Variants in YEATS4 observed in about 807,000 individuals in gnomAD.
YEATS4 encodes the protein YEATS domain containing 4, also known as YEATS domain-containing protein 4.
In YEATS4, 17 loss-of-function variants were observed where a neutral mutation model predicts 30.1. The ratio of observed to expected loss-of-function variants is 0.56; its 90% CI spans 0.39 to 0.85. YEATS4 has a LOEUF of 0.85. Among genes scored for constraint, YEATS4 ranks in the 40% least tolerant of loss-of-function variants. YEATS4 has a pLI of 0.00. For synonymous variants in YEATS4, 85 were observed against 87.5 expected (o/e 0.97, Z 0.16); for missense variants, 142 against 268.3 (o/e 0.53, Z 3.29).
At chr12:69,401,317 C>T in the YEATS4 span, 1 of 152,132 alleles carries the variant, frequency 6.6e-6, no homozygotes, top group African/African-American at 2.4e-5. Flanking sequence ...TAGATATAAA[C>T]CAAATGTCTA....
chr12:69,407,788 C>T, the YEATS4 span, among the ~76,000 whole-genome samples: 1 of 140,762 alleles, frequency 7.1e-6, no homozygotes, highest in South Asian at 2.3e-4. Context: ...GCAATCTCAG[C>T]TCACCACAAC....
chr12:69,413,025 G>T, the YEATS4 span, among the ~76,000 whole-genome samples: 1 of 152,182 alleles, frequency 6.6e-6, no homozygotes, highest in Non-Finnish European at 1.5e-5. Flanking sequence ...CCCAGATGTT[G>T]CTGGATCCTA....
chr12:69,382,097 G>A (rs374818038), intron 6 of YEATS4, among the ~76,000 whole-genome samples: 157 of 152,260 alleles, frequency 1.0e-3, no homozygotes, highest in African/African-American at 3.0e-3. Context: ...CCCAGAAGGC[G>A]TCCTTTGACC....
downstream of YEATS4, among the ~76,000 whole-genome samples, chr12:69,393,024 C>T (rs950267957): frequency 4.6e-5 from 7 of 152,154 alleles, no homozygotes; most frequent in African/African-American, 1.4e-4. Context: ...GGATGGAATA[C>T]TAAAGCATAG....
At chr12:69,379,517 A>G (rs929643216) in intron 6 of YEATS4, among the ~76,000 whole-genome samples, 11 of 149,988 alleles carry the variant, frequency 7.3e-5, no homozygotes, top group African/African-American at 2.4e-4. Context: ...GGTTCAAGCA[A>G]TCCTCTCACC....
the YEATS4 span, among the ~76,000 whole-genome samples, chr12:69,398,403 A>G: frequency 1.3e-5 from 2 of 152,174 alleles, no homozygotes; most frequent in African/African-American, 2.4e-5. Context: ...TTAGTTCCAT[A>G]CTCCAGCAAT....
the YEATS4 span, among the ~76,000 whole-genome samples, chr12:69,408,544 G>A: frequency 6.6e-6 from 1 of 152,218 alleles, no homozygotes; most frequent in Non-Finnish European, 1.5e-5. Context: ...AGGTTGCCCT[G>A]TGAAAAGTTT....
At chr12:69,381,669 A>G (rs1167822790) in intron 6 of YEATS4, among the ~76,000 whole-genome samples, 3 of 152,236 alleles carry the variant, frequency 2.0e-5, no homozygotes, top group Non-Finnish European at 2.9e-5. Context: ...TTATAAAAGT[A>G]TTAATTTGGG....
At chr12:69,393,412 G>T (rs1169246286), downstream of YEATS4, among the ~76,000 whole-genome samples, 1 of 152,014 alleles carries the variant, frequency 6.6e-6, no homozygotes, top group Admixed American at 6.6e-5. Flanking sequence ...AGACTACAGT[G>T]AGCTATGTGT....
At chr12:69,387,056 T>C (rs891960756) in intron 6 of YEATS4, among the ~76,000 whole-genome samples, 4 of 152,078 alleles carry the variant, frequency 2.6e-5, no homozygotes, top group African/African-American at 9.7e-5. Context: ...CAGACCGCTA[T>C]TGACAGTGGC....
At chr12:69,410,763 C>T in the YEATS4 span, among the ~76,000 whole-genome samples, 2 of 152,270 alleles carry the variant, frequency 1.3e-5, no homozygotes, top group East Asian at 1.9e-4. Flanking sequence ...CCCCCAGGCT[C>T]CTCGGGAACA....
intron 4 of YEATS4, among the ~76,000 whole-genome samples, chr12:69,367,562 C>T (rs1169214927): frequency 2.0e-5 from 3 of 152,094 alleles, no homozygotes; most frequent in Admixed American, 2.0e-4. Context: ...GATAGGGGCT[C>T]GCCATGTTGC....
intron 6 of YEATS4, among the ~76,000 whole-genome samples, chr12:69,372,537 G>GTTTTTTT (rs71094710): frequency 0.05 from 6,160 of 122,784 alleles, 442 homozygotes; most frequent in African/African-American, 0.096. Context: ...TATCTCATGA[G>GTTTTTTT]TTTTTTTTTT....
the YEATS4 span, among the ~76,000 whole-genome samples, chr12:69,416,190 C>T: frequency 6.6e-6 from 1 of 152,190 alleles, no homozygotes; most frequent in Non-Finnish European, 1.5e-5. Context: ...CACCTGCAAA[C>T]TGCTTCAAAG....
In YEATS4 at chr12:69,359,956, T is replaced by C. The variant is rs780232171; in HGVS notation, c.-17T>C. The stretch of plus-strand genomic sequence containing the variant: ...GGTCTCTTTCCCTGGCGGCGGCGGC[T>C]TCTTCCGTGGGACAATATGTTCAAG... On this transcript the variant is annotated 5_prime_UTR_variant, in exon 1 of 7. Transcript: ENST00000247843. 18 of 1,611,874 alleles carry C rather than the reference T, an allele frequency of 1.1e-5. No homozygotes were observed. Among genetic ancestry groups the C allele is most frequent in the Non-Finnish European group, 8.5e-7 (1 of 1,178,966 alleles).
chr12:69,418,068 G>C, the YEATS4 span, among the ~76,000 whole-genome samples: 1 of 152,142 alleles, frequency 6.6e-6, no homozygotes, highest in Non-Finnish European at 1.5e-5. Context: ...TCATTCTTCT[G>C]ATAGAGACAG....
chr12:69,383,318 G>GT (rs1644835873), intron 6 of YEATS4, among the ~76,000 whole-genome samples: 1 of 152,134 alleles, frequency 6.6e-6, no homozygotes, highest in Non-Finnish European at 1.5e-5. Context: ...TGTAAGACAT[G>GT]TAAGTTGAGA....
chr12:69,366,021 G>T, intron 4 of YEATS4, 137 bp downstream of exon 4: 3 of 442,654 alleles, frequency 6.8e-6, no homozygotes, highest in Non-Finnish European at 1.1e-5. Flanking sequence ...CATGAGTTAA[G>T]TTTTTCATTT....
chr12:69,374,644 C>T (rs139575358), intron 6 of YEATS4, among the ~76,000 whole-genome samples: 8,665 of 135,410 alleles, frequency 0.064, 492 homozygotes, highest in East Asian at 0.31. Flanking sequence ...CATCTTGCGC[C>T]GCCCTTAATC....
Sources: allele counts gnomAD v4.1 joint callset (sites outside exome capture counted in the v4.1 genomes callset), GRCh38; gene constraint gnomAD v4.1.1; transcripts MANE v1.5; gene names NCBI Gene and HGNC (gene_info 2026-07-23, HGNC 2026-07-21).